The following CENPW variants were observed in gnomAD, a reference collection of about 807,000 sequenced individuals.
CENPW encodes the protein centromere protein W.
CENPW carries 3 observed loss-of-function variants against 11.1 expected under a neutral mutation model. The ratio of observed to expected loss-of-function variants is 0.27; its 90% confidence interval spans 0.12 to 0.70. The LOEUF (loss-of-function observed/expected upper bound fraction) is 0.70. Among genes scored for constraint, CENPW ranks in the 30% least tolerant of loss-of-function variants. CENPW has a pLI of 0.77. For missense variants in CENPW, 100 were observed against 105.6 expected, an observed-to-expected ratio of 0.95 and a Z score of 0.23; for synonymous variants, 38 against 42.0, an observed-to-expected ratio of 0.91 and a Z score of 0.37.
chr6:126,421,731 T>C, the CENPW span, among the ~76,000 whole-genome samples: 14 of 152,082 alleles, frequency 9.2e-5, no homozygotes, highest in Non-Finnish European at 1.9e-4. Flanking sequence ...TTGGCATCTC[T>C]ATCAGTCAAA....
the CENPW span, among the ~76,000 whole-genome samples, chr6:126,441,714 C>A: frequency 6.6e-6 from 1 of 151,726 alleles, no homozygotes; most frequent in African/African-American, 2.4e-5. Flanking sequence ...GTGTGGTTTT[C>A]CATTCCTGAG....
At chr6:126,434,698 A>C in the CENPW span, among the ~76,000 whole-genome samples, 1 of 152,034 alleles carries the variant, frequency 6.6e-6, no homozygotes. Flanking sequence ...CACATCTTCT[A>C]GTAAAACATT....
chr6:126,455,730 C>T, the CENPW span, among the ~76,000 whole-genome samples: 19 of 151,086 alleles, frequency 1.3e-4, no homozygotes, highest in East Asian at 7.8e-4. Context: ...GGCAATCAGG[C>T]GAGAGAAAGA....
At chr6:126,393,861 A>C in the CENPW span, among the ~76,000 whole-genome samples, 2 of 151,108 alleles carry the variant, frequency 1.3e-5, no homozygotes, top group African/African-American at 4.9e-5. Flanking sequence ...TGCTATATTG[A>C]CTCCTTTATC....
downstream of CENPW, among the ~76,000 whole-genome samples, chr6:126,349,293 C>A (rs1193698493): frequency 2.0e-5 from 3 of 152,080 alleles, no homozygotes; most frequent in African/African-American, 7.2e-5. Flanking sequence ...AGTATAATAT[C>A]AAAACCAGGA....
chr6:126,350,312 G>C (rs1375475605), downstream of CENPW, among the ~76,000 whole-genome samples: 7 of 152,158 alleles, frequency 4.6e-5, no homozygotes, highest in East Asian at 1.4e-3. Context: ...TCACAGTTTT[G>C]ATGGGCGGAA....
At chr6:126,367,097 G>A in the CENPW span, among the ~76,000 whole-genome samples, 1 of 152,120 alleles carries the variant, frequency 6.6e-6, no homozygotes, top group Admixed American at 6.5e-5. Flanking sequence ...TTTTACTATA[G>A]AATTTAAATT....
At chr6:126,423,728 G>A in the CENPW span, among the ~76,000 whole-genome samples, 1 of 151,670 alleles carries the variant, frequency 6.6e-6, no homozygotes, top group African/African-American at 2.4e-5. Context: ...ATTGGTAAAA[G>A]GCAAAATGTA....
chr6:126,426,840 C>T, the CENPW span, among the ~76,000 whole-genome samples: 5 of 152,142 alleles, frequency 3.3e-5, no homozygotes, highest in East Asian at 9.6e-4. Context: ...ATGCTAGTAA[C>T]AGATGAGGCA....
At chr6:126,381,862 A>G in the CENPW span, among the ~76,000 whole-genome samples, 2 of 152,144 alleles carry the variant, frequency 1.3e-5, no homozygotes, top group Non-Finnish European at 2.9e-5. Flanking sequence ...AAGTTAGAGC[A>G]CACAGTTCAG....
the CENPW span, among the ~76,000 whole-genome samples, chr6:126,413,500 T>C: frequency 2.6e-5 from 4 of 152,102 alleles, no homozygotes; most frequent in Non-Finnish European, 4.4e-5. Context: ...CTTTCAACAA[T>C]GAGGAAGAAA....
At chr6:126,346,342 G>C in intron 2 of CENPW, 24 bp downstream of exon 2, 2 of 1,461,748 alleles carry the variant, frequency 1.4e-6, no homozygotes, top group South Asian at 2.4e-5. Flanking sequence ...TTCTTTTCTC[G>C]AGCAAGAATT....
the CENPW span, among the ~76,000 whole-genome samples, chr6:126,451,070 T>A: frequency 6.6e-6 from 1 of 151,076 alleles, no homozygotes; most frequent in African/African-American, 2.4e-5. Flanking sequence ...ATATTAGTAA[T>A]TCTGTTTCAG....
At chr6:126,423,092 A>G in the CENPW span, among the ~76,000 whole-genome samples, 1 of 151,892 alleles carries the variant, frequency 6.6e-6, no homozygotes, top group Non-Finnish European at 1.5e-5. Flanking sequence ...TTTCTTTTGC[A>G]TTTTATTAGA....
chr6:126,361,419 C>T, the CENPW span, among the ~76,000 whole-genome samples: 1 of 152,122 alleles, frequency 6.6e-6, no homozygotes, highest in East Asian at 1.9e-4. Context: ...CCTCAACCTC[C>T]AGGGGAGCTG....
the CENPW span, among the ~76,000 whole-genome samples, chr6:126,397,649 C>G: frequency 6.6e-6 from 1 of 152,232 alleles, no homozygotes; most frequent in East Asian, 1.9e-4. Context: ...CTCTATTCAG[C>G]CACCTTACTC....
chr6:126,417,092 C>T, the CENPW span, among the ~76,000 whole-genome samples: 10 of 152,178 alleles, frequency 6.6e-5, no homozygotes, highest in South Asian at 4.1e-4. Context: ...CCCAAGACCA[C>T]GGGAGCCCAC....
At chr6:126,401,437 C>T in the CENPW span, among the ~76,000 whole-genome samples, 3 of 151,856 alleles carry the variant, frequency 2.0e-5, no homozygotes, top group Non-Finnish European at 4.4e-5. Flanking sequence ...ATGGGATTGT[C>T]CTGTTTTTCT....
chr6:126,476,255 A>G, the CENPW span, among the ~76,000 whole-genome samples: 1 of 151,968 alleles, frequency 6.6e-6, no homozygotes, highest in Non-Finnish European at 1.5e-5. Context: ...AAGCTCAAAG[A>G]TTACATTTTG....
Sources: allele counts gnomAD v4.1 joint callset (sites outside exome capture counted in the v4.1 genomes callset), GRCh38; gene constraint gnomAD v4.1.1; transcripts MANE v1.5; gene names NCBI Gene and HGNC (gene_info 2026-07-23, HGNC 2026-07-21).